The following WDFY4 variants were observed in gnomAD, a reference collection of about 807,000 sequenced individuals.
WDFY4 encodes WDFY family member 4.
Under a neutral mutation model 351.9 loss-of-function variants are expected in WDFY4, and 169 were observed. The observed-to-expected ratio is 0.48, with a 90% CI of 0.42 to 0.55. The LOEUF (loss-of-function observed/expected upper bound fraction) is 0.55. Ranked by LOEUF, WDFY4 falls within the 20% of genes least tolerant of loss-of-function variation. The pLI, the probability that WDFY4 is intolerant of heterozygous loss-of-function variation, is 0.00. For missense variants in WDFY4, 3,803 were observed against 3,935.6 expected, an observed-to-expected ratio of 0.97 and a Z score of 0.90; for synonymous variants, 1,622 against 1,574.6, an observed-to-expected ratio of 1.03 and a Z score of -0.71.
At chr10:48,953,175 ACT>A (rs140104159) in intron 51 of WDFY4, among the ~76,000 whole-genome samples, 3,386 of 152,116 alleles carry the variant, frequency 0.022, 76 homozygotes, top group South Asian at 0.094. Flanking sequence ...CCCCATGCAC[ACT>A]GAGATCAGGG....
chr10:48,922,842 C>T (rs193047843), intron 47 of WDFY4, among the ~76,000 whole-genome samples: 136 of 152,224 alleles, frequency 8.9e-4, no homozygotes, highest in African/African-American at 3.1e-3. Flanking sequence ...AAAGCCATAA[C>T]TTTAGGTGCA....
chr10:48,780,255 G>T (rs887707377), intron 19 of WDFY4, 136 bp downstream of exon 19: 1 of 1,154,744 alleles, frequency 8.7e-7, no homozygotes. Context: ...GGCATCTAAT[G>T]AAATCTGCCT....
In WDFY4 at chr10:48,776,730, T is replaced by G; in HGVS notation, c.2864-20T>G. Reference sequence around the variant, plus strand: ...ATGCTTTGAGCAGAGACACATCTCTTCTCTTGCTTGCTGCCCTAGGGTCAC... The same window carrying G: ...ATGCTTTGAGCAGAGACACATCTCTGCTCTTGCTTGCTGCCCTAGGGTCAC... On this transcript the variant is annotated intron_variant, in intron 15 of 61. Coordinates refer to ENST00000325239, the MANE Select transcript of WDFY4 (RefSeq NM_001394531.1). 1 of 1,506,004 alleles carries G rather than the reference T, an allele frequency of 6.6e-7. No homozygotes were observed. The highest frequency in any genetic ancestry group is 8.9e-7 in the Non-Finnish European group (1 of 1,124,416). The allele number at this position is 1,506,004 out of a possible 1,614,324, so 93.3% of individuals were successfully genotyped here.
intron 47 of WDFY4, chr10:48,914,128 C>T (rs1286602857): frequency 1.2e-6 from 2 of 1,613,968 alleles, no homozygotes; most frequent in Admixed American, 1.7e-5. Context: ...ATCTTCTTGC[C>T]CTTGGGGCCT....
chr10:48,977,943 G>A (rs1322048396), intron 59 of WDFY4, among the ~76,000 whole-genome samples: 4 of 152,192 alleles, frequency 2.6e-5, no homozygotes, highest in African/African-American at 4.8e-5. Context: ...ACCCAGGGGT[G>A]AGGGAGTACT....
At chr10:48,883,336 C>T (rs1157772903) in intron 43 of WDFY4, among the ~76,000 whole-genome samples, 1 of 152,246 alleles carries the variant, frequency 6.6e-6, no homozygotes, top group East Asian at 1.9e-4. Flanking sequence ...AGGATGGGTG[C>T]ATTGATTGTT....
chr10:48,803,473 A>C, intron 25 of WDFY4, 114 bp downstream of exon 25: 1 of 985,534 alleles, frequency 1.0e-6, no homozygotes, highest in Non-Finnish European at 1.5e-6. Flanking sequence ...GGGTCCCCAA[A>C]TGGGAGCACA....
intron 59 of WDFY4, among the ~76,000 whole-genome samples, chr10:48,977,314 A>T (rs1842612061): frequency 1.3e-5 from 2 of 152,248 alleles, no homozygotes; most frequent in East Asian, 3.9e-4. Context: ...ATCCATTCAA[A>T]CCAAACTTGC....
At chr10:48,828,293 C>A (rs559252070) in intron 36 of WDFY4, among the ~76,000 whole-genome samples, 21 of 152,170 alleles carry the variant, frequency 1.4e-4, no homozygotes, top group Admixed American at 2.6e-4. Flanking sequence ...GGCTTGTGTC[C>A]AAAAATACCC....
chr10:48,705,414 G>A (rs2063599933), intron 1 of WDFY4, among the ~76,000 whole-genome samples: 1 of 152,148 alleles, frequency 6.6e-6, no homozygotes, highest in Admixed American at 6.5e-5. Context: ...GTGACCCTAA[G>A]CCCCGATGGG....
In WDFY4 at chr10:48,970,254, A is replaced by C; in HGVS notation, c.8893A>C (p.Thr2965Pro). The C allele has an allele frequency of 6.4e-7, 1 of 1,551,518 alleles. No individual in the cohort carries two copies. The highest frequency in any genetic ancestry group is 8.7e-7 in the Non-Finnish European group (1 of 1,146,976). The change falls in exon 57 of 62, where the codon ACC (threonine) becomes CCC (proline). Residue 2965 changes from threonine to proline, a missense_variant. Coordinates refer to ENST00000325239, the MANE Select transcript of WDFY4 (RefSeq NM_001394531.1). ...GGTGTGTGTGTGGGAGCTCAGCATG[A>C]CCAAAGGCCGCCCGAGGGGCTTGCG... ...TVVCVWELSM[T>P]KGRPRGLRLR...
chr10:48,721,199 G>A, intron 3 of WDFY4, 62 bp from the exon 4 acceptor site: 15 of 1,488,506 alleles, frequency 1.0e-5, no homozygotes, highest in Non-Finnish European at 1.4e-5. Context: ...AGGGGGCCCT[G>A]GATGGAGGGG....
chr10:48,728,303 C>T (rs923953622), intron 7 of WDFY4, among the ~76,000 whole-genome samples: 4 of 152,218 alleles, frequency 2.6e-5, no homozygotes, highest in Non-Finnish European at 4.4e-5. Flanking sequence ...TTCAGCAGGG[C>T]CTGGGCTGGC....
At chr10:48,978,590 C>T (rs76199024) in intron 60 of WDFY4, among the ~76,000 whole-genome samples, 197 bp downstream of exon 60, 6,493 of 152,268 alleles carry the variant, frequency 0.043, 179 homozygotes, top group Middle Eastern at 0.1. Context: ...GCTGCCATCA[C>T]AGCCACAACG....
chr10:48,860,893 GT>G (rs2069316307), intron 39 of WDFY4, among the ~76,000 whole-genome samples: 1 of 151,924 alleles, frequency 6.6e-6, no homozygotes, highest in South Asian at 2.1e-4. Flanking sequence ...CATTCTGCAT[GT>G]TTTTGTTTAT....
chr10:48,777,352 G>C, intron 16 of WDFY4, 67 bp from the exon 17 acceptor site: 2 of 1,422,364 alleles, frequency 1.4e-6, no homozygotes, highest in Non-Finnish European at 1.9e-6. Context: ...TCATGGCCCA[G>C]ACTAGCTGTG....
chr10:48,842,426 C>T (rs967509805), intron 39 of WDFY4, among the ~76,000 whole-genome samples: 5 of 152,062 alleles, frequency 3.3e-5, no homozygotes, highest in Non-Finnish European at 7.3e-5. Context: ...CCAGGTGTGT[C>T]CTGACTTCTG....
chr10:48,836,295 C>A (rs911540626), intron 39 of WDFY4, among the ~76,000 whole-genome samples: 1 of 152,178 alleles, frequency 6.6e-6, no homozygotes. Context: ...GTTAAAGACT[C>A]CGTTATTGGT....
chr10:48,824,308 C>A (rs2067925072), intron 35 of WDFY4: 13 of 469,902 alleles, frequency 2.8e-5, no homozygotes, highest in Non-Finnish European at 3.6e-5. Context: ...TTATGACAAA[C>A]AGGCAATATA....
Sources: gnomAD v4.1 joint callset for allele counts (sites outside exome capture counted in the v4.1 genomes callset) on GRCh38, gnomAD v4.1.1 for gene constraint, MANE v1.5 for transcripts, NCBI Gene and HGNC (gene_info 2026-07-23, HGNC 2026-07-21) for gene names.